The following CCM2 variants were observed in gnomAD, a reference collection of about 807,000 sequenced individuals.
CCM2 encodes cerebral cavernous malformations 2 protein.
A neutral mutation model predicts 44.9 loss-of-function variants in CCM2; 25 were observed. The ratio of observed to expected loss-of-function variants is 0.56; its 90% CI spans 0.41 to 0.78. The LOEUF is 0.78. CCM2 is among the 30% of genes least tolerant of loss of function. The pLI, the probability that CCM2 is intolerant of heterozygous loss-of-function variation, is 0.00. For synonymous variants in CCM2, 219 were observed against 241.1 expected, an observed-to-expected ratio of 0.91 and a Z score of 0.85; for missense variants, 481 against 580.6, an observed-to-expected ratio of 0.83 and a Z score of 1.76.
chr7:45,057,764 T>TCTTA (rs1166357115), intron 2 of CCM2, among the ~76,000 whole-genome samples: 7 of 152,124 alleles, frequency 4.6e-5, no homozygotes, highest in Admixed American at 4.6e-4. Flanking sequence ...ATCAGAAGGG[T>TCTTA]CTTACCAGCA....
intron 8 of CCM2, 171 bp downstream of exon 8, chr7:45,073,742 G>A (rs2128752525): frequency 1.6e-6 from 1 of 607,500 alleles, no homozygotes; most frequent in Admixed American, 2.7e-5. Flanking sequence ...CCTGGGGATA[G>A]TCTAGGAGAG....
chr7:45,075,957 G>T lies in CCM2; in HGVS notation c.1235G>T (p.Arg412Leu), dbSNP rs139366651. The change falls in exon 10 of 10, where the codon CGG becomes CTG. Residue 412 changes from arginine to leucine, a missense_variant. Physicochemically the swap from Arg to Leu is moderately radical, Grantham distance 102 (BLOSUM62 -2). Transcript: ENST00000258781. ...GNRATGSSDD[R>L]SAPSEGDEWD... ...AGGGCCACGGGCAGCTCTGATGACC[G>T]GTCGGCACCCTCAGAGGGGGATGAG... 6.2e-7 allele frequency: 1 copy of T among 1,613,154 alleles called. No homozygotes were observed. Among genetic ancestry groups the T allele is most frequent in the Admixed American group, 1.7e-5 (1 of 60,022 alleles).
intron 1 of CCM2, among the ~76,000 whole-genome samples, chr7:45,028,468 T>TGGCC (rs1291384521): frequency 1.8e-4 from 28 of 152,170 alleles, no homozygotes; most frequent in African/African-American, 6.5e-4. Context: ...CCATTCTGAC[T>TGGCC]AACATGGTGA....
intron 1 of CCM2, among the ~76,000 whole-genome samples, chr7:45,035,410 C>T (rs1797168579): frequency 1.3e-5 from 2 of 152,188 alleles, no homozygotes; most frequent in Non-Finnish European, 1.5e-5. Context: ...ATGCTCTCCC[C>T]TACCACCGGA....
chr7:45,055,949 G>A lies in CCM2; in HGVS notation c.205-7969G>A, dbSNP rs1017688365. 2.6e-5 allele frequency among the ~76,000 whole-genome samples: 4 copies of A among 152,336 alleles called. No individual in the cohort carries two copies. The South Asian group carries it at 6.2e-4, about 24-fold the overall frequency. ...AATCATACAATATTTGTCCTTTTGT[G>A]ACTGGCTTATTTCGCTTAGCACAGT... On this transcript the variant is annotated intron_variant, in intron 2 of 9. Transcript: ENST00000258781.
chr7:45,035,083 C>T (rs958621774), intron 1 of CCM2, among the ~76,000 whole-genome samples: 1 of 152,048 alleles, frequency 6.6e-6, no homozygotes, highest in African/African-American at 2.4e-5. Flanking sequence ...AATCTACCCA[C>T]CTCGGCCTCC....
In CCM2 at chr7:45,011,235, T is replaced by C. The variant is rs574503560; in HGVS notation, c.30+10872T>C. 2.1e-4 allele frequency among the ~76,000 whole-genome samples: 32 copies of C among 151,950 alleles called. No homozygotes were observed. In the East Asian group the frequency reaches 6.2e-3, roughly 30 times the overall value. ...TTTTGAGACGGAGTCTCACTCTTGT[T>C]GCCCAGGTTGGAGTGCAATGGTGCG... On this transcript the variant is annotated intron_variant, in intron 1 of 9. Coordinates refer to ENST00000258781, the MANE Select transcript of CCM2 (RefSeq NM_031443.4).
Position 45,076,082 on chromosome 7 carries a change from A to G in CCM2, c.*25A>G. 1 of 1,612,554 alleles carries G rather than the reference A, an allele frequency of 6.2e-7. No individual in the cohort carries two copies. Among genetic ancestry groups the G allele is most frequent in the Non-Finnish European group, 8.5e-7 (1 of 1,180,004 alleles). On this transcript the variant is annotated 3_prime_UTR_variant, in exon 10 of 10. Transcript: ENST00000258781. The stretch of plus-strand genomic sequence containing the variant: ...ATGGACAGTGGATGGGGGGGCACCC[A>G]CACCTTCCGCGCAGTCGTCATAGGC...
chr7:45,063,934 C>T lies in CCM2; in HGVS notation c.221C>T (p.Thr74Met), dbSNP rs750771937. Residue 74 changes from threonine to methionine, a missense_variant, in exon 3 of 10, where the codon ACG (threonine) becomes ATG (methionine). Coordinates refer to ENST00000258781, the MANE Select transcript of CCM2 (RefSeq NM_031443.4). Reference protein sequence around the residue: ...EKEVKYLGQLTSIPGYLNPSS... With the variant: ...EKEVKYLGQLMSIPGYLNPSS... ...TTCTTTCAGTATTTAGGTCAGTTAA[C>T]GTCCATACCAGGATACCTGAATCCC... 7.4e-6 allele frequency: 12 copies of T among 1,611,752 alleles called. No individual in the cohort carries two copies. Among genetic ancestry groups the T allele is most frequent in the African/African-American group, 1.3e-5 (1 of 74,794 alleles).
intron 6 of CCM2, 108 bp from the exon 7 acceptor site, chr7:45,072,618 A>G: frequency 4.7e-6 from 4 of 843,656 alleles, no homozygotes; most frequent in Non-Finnish European, 8.0e-6. Context: ...GGGTCCCTGA[A>G]GACCAGGGCT....
In CCM2 at chr7:45,068,595, C is replaced by A. The variant is rs1798902100; in HGVS notation, c.609+16C>A. ...AGAGAGCAAGGTGAGACTTTCTCGC[C>A]CCACTTACTCAGAACTGGCTCCTCC... On this transcript the variant is annotated intron_variant, in intron 5 of 9. Transcript: ENST00000258781. The A allele has an allele frequency of 6.2e-7, 1 of 1,613,592 alleles. No homozygotes were observed. Among genetic ancestry groups the A allele is most frequent in the African/African-American group, 1.3e-5 (1 of 75,016 alleles).
At chr7:45,071,163 C>T (rs1219481473) in intron 6 of CCM2, 1 of 152,326 alleles carries the variant, frequency 6.6e-6, no homozygotes, top group African/African-American at 2.4e-5. Context: ...GCTTAGAAGT[C>T]AACAGCTTAT....
At chr7:45,033,629 T>A (rs1797071387) in intron 1 of CCM2, among the ~76,000 whole-genome samples, 1 of 152,150 alleles carries the variant, frequency 6.6e-6, no homozygotes, top group Admixed American at 6.5e-5. Context: ...GGACAGCCAT[T>A]TTCCTGTGGC....
intron 5 of CCM2, 149 bp downstream of exon 5, chr7:45,068,728 T>A: frequency 2.0e-6 from 2 of 1,016,020 alleles, no homozygotes; most frequent in Non-Finnish European, 3.0e-6. Context: ...TGCCTCACCC[T>A]AGTCTCCACC....
chr7:45,031,381 CAAAA>C (rs35741858), intron 1 of CCM2, among the ~76,000 whole-genome samples: 6 of 57,466 alleles, frequency 1.0e-4, no homozygotes, highest in Admixed American at 4.1e-4. Context: ...GACTCCAGGT[CAAAA>C]AAAAAAAAAA....
rs898425485 is a variant in CCM2, at chr7:45,000,456, G to GGC, written c.30+94_30+95insCG. The GGC allele has an allele frequency of 3.1e-5, 11 of 349,354 alleles. 1 individual carries two copies. The highest frequency in any genetic ancestry group is 7.9e-4 in the Middle Eastern group (1 of 1,266). 21.6% of individuals were successfully genotyped at this position (349,354 alleles called of 1,614,324 possible). On this transcript the variant is annotated intron_variant, in intron 1 of 9. Transcript: ENST00000258781. Reference sequence around the variant, plus strand: ...GTGGGCGGGTGTTCCTTGGGGCCCGGGGGGGGGGGCAGTGGGCCAGCTGGC... The same window carrying GGC: ...GTGGGCGGGTGTTCCTTGGGGCCCGGGCGGGGGGGGGCAGTGGGCCAGCTGGC...
At chr7:45,017,677 A>C (rs1027240247) in intron 1 of CCM2, among the ~76,000 whole-genome samples, 1 of 152,146 alleles carries the variant, frequency 6.6e-6, no homozygotes, top group Non-Finnish European at 1.5e-5. Flanking sequence ...TTTTATTGCC[A>C]CAGAGTCCAT....
rs1799210593 is a variant in CCM2, at chr7:45,073,844, T to C, written c.915+273T>C. The stretch of plus-strand genomic sequence containing the variant: ...GGTCCTGGGGGAGGGGAGGGAACGG[T>C]GGCCCCTGCAAGGCCACATGGCCAG... On this transcript the variant is annotated intron_variant, in intron 8 of 9. Transcript: ENST00000258781. 14 of 555,486 alleles carry C rather than the reference T, an allele frequency of 2.5e-5. No individual in the cohort carries two copies. In the South Asian group the frequency reaches 2.9e-4, roughly 11 times the overall value. The allele number at this position is 555,486 out of a possible 1,614,324, so 34.4% of individuals were successfully genotyped here. A position where few individuals can be genotyped will look rare whatever the true frequency, so the allele number is the denominator to read the frequency against.
intron 1 of CCM2, among the ~76,000 whole-genome samples, chr7:45,037,954 T>C (rs1797304180): frequency 6.6e-6 from 1 of 152,250 alleles, no homozygotes; most frequent in Non-Finnish European, 1.5e-5. Context: ...CCCCCTTCTA[T>C]CATTGTCTTG....
Sources: allele counts gnomAD v4.1 joint callset (sites outside exome capture counted in the v4.1 genomes callset), GRCh38; gene constraint gnomAD v4.1.1; transcripts MANE v1.5; gene names NCBI Gene and HGNC (gene_info 2026-07-23, HGNC 2026-07-21).